CPEB3: variants seen among roughly 807,000 people sequenced by gnomAD.
CPEB3 encodes the protein cytoplasmic polyadenylation element-binding protein 3.
In CPEB3, 20 loss-of-function variants were observed where a neutral mutation model predicts 67.2. The ratio of observed to expected loss-of-function variants is 0.30; its 90% CI spans 0.21 to 0.43. CPEB3 has a LOEUF of 0.43. Among genes scored for constraint, CPEB3 ranks in the 20% least tolerant of loss-of-function variants. CPEB3 has a pLI of 1.00. For synonymous variants in CPEB3, 376 were observed against 393.1 expected (o/e 0.96, Z 0.51); for missense variants, 746 against 968.6 (o/e 0.77, Z 3.05).
chr10:92,120,098 C>CAAA (rs34785763), intron 6 of CPEB3, among the ~76,000 whole-genome samples: 1 of 45,246 alleles, frequency 2.2e-5, no homozygotes, highest in East Asian at 5.7e-4. Flanking sequence ...ACTAAAAATA[C>CAAA]AAAAAAAAAA....
At chr10:92,251,084 A>G (rs1852281819) in intron 1 of CPEB3, among the ~76,000 whole-genome samples, 2 of 151,922 alleles carry the variant, frequency 1.3e-5, no homozygotes, top group African/African-American at 4.8e-5. Context: ...AATACCTACC[A>G]TTGTGTTACA....
intron 9 of CPEB3, among the ~76,000 whole-genome samples, chr10:92,061,525 T>C (rs926490788): frequency 6.6e-6 from 1 of 151,984 alleles, no homozygotes; most frequent in Non-Finnish European, 1.5e-5. Flanking sequence ...ATCCAGCCAT[T>C]TGCAACAACA....
intron 3 of CPEB3, among the ~76,000 whole-genome samples, chr10:92,187,095 AAG>A (rs1339872309): frequency 2.0e-5 from 3 of 152,242 alleles, no homozygotes; most frequent in Admixed American, 6.5e-5. Flanking sequence ...AAAATTCCGT[AAG>A]AGGGGACAAA....
At chr10:92,249,543 G>A (rs2134769851) in intron 1 of CPEB3, among the ~76,000 whole-genome samples, 1 of 152,184 alleles carries the variant, frequency 6.6e-6, no homozygotes, top group East Asian at 1.9e-4. Flanking sequence ...AACTACTCGG[G>A]AGGTTGAGGC....
intron 4 of CPEB3, among the ~76,000 whole-genome samples, chr10:92,164,781 T>C (rs1030236281): frequency 2.0e-5 from 3 of 152,156 alleles, no homozygotes; most frequent in Admixed American, 6.5e-5. Context: ...ACCCAGAAAT[T>C]CTCTTCAGAA....
chr10:92,111,139 G>A lies in CPEB3; in HGVS notation c.1509C>T (p.Ala503=). The A allele has an allele frequency of 1.2e-6, 2 of 1,614,142 alleles. No individual in the cohort carries two copies. Among genetic ancestry groups the A allele is most frequent in the South Asian group, 2.2e-5 (2 of 91,078 alleles). ...EESSVQALID[A]CLEEDGKLYL... ...AGAGTTTCCCATCTTCTTCTAGGCA[G>A]GCATCTATCAAAGCTTGTACTGAGC... is the stretch of plus-strand genomic sequence containing the variant. The change falls in exon 7 of 10, where the codon GCC becomes GCT. Residue 503 remains alanine, a synonymous_variant. Coordinates refer to ENST00000265997, the MANE Select transcript of CPEB3 (RefSeq NM_014912.5).
chr10:92,202,124 C>T (rs558938802), intron 2 of CPEB3, among the ~76,000 whole-genome samples: 3 of 152,210 alleles, frequency 2.0e-5, no homozygotes, highest in South Asian at 4.1e-4. Context: ...CAAATGCTGA[C>T]TAGGATGCAG....
chr10:92,291,150 C>A (rs532908488), upstream of CPEB3: 85 of 412,474 alleles, frequency 2.1e-4, no homozygotes, highest in Non-Finnish European at 3.6e-4. Context: ...CTGGCGCGCA[C>A]GGAGGCGGCG....
At chr10:92,214,802 AT>A (rs893803914) in intron 2 of CPEB3, among the ~76,000 whole-genome samples, 57 of 149,788 alleles carry the variant, frequency 3.8e-4, no homozygotes, top group African/African-American at 9.6e-4. Flanking sequence ...TATTTTAACA[AT>A]TTTTTTTTCA....
chr10:92,098,970 CCA>C (rs1211403955), intron 7 of CPEB3, among the ~76,000 whole-genome samples: 1 of 151,734 alleles, frequency 6.6e-6, no homozygotes, highest in Non-Finnish European at 1.5e-5. Flanking sequence ...CAGGGTTTCA[CCA>C]TGTTGGCCAG....
chr10:92,071,965 T>C (rs542431414), intron 9 of CPEB3, among the ~76,000 whole-genome samples: 1 of 152,310 alleles, frequency 6.6e-6, no homozygotes, highest in African/African-American at 2.4e-5. Context: ...ACAGAAAGAA[T>C]GTGTACAGGT....
intron 2 of CPEB3, among the ~76,000 whole-genome samples, chr10:92,209,157 G>A (rs1478044115): frequency 1.3e-5 from 2 of 152,180 alleles, no homozygotes; most frequent in African/African-American, 4.8e-5. Context: ...ACGTTTGACA[G>A]TAATAAAGCT....
rs770734970 is a variant in CPEB3, at chr10:92,192,482, A to G, written c.1160T>C (p.Phe387Ser). ...GACATATGAATATTCCTAACCTGCA[A>G]AATGATTCCTCCACATTATATCAGC... is the stretch of plus-strand genomic sequence containing the variant. ...SFADIMWRNHFAGRMGINFHH... is the reference protein window; with the variant it reads ...SFADIMWRNHSAGRMGINFHH... Residue 387 changes from phenylalanine (F) to serine (S), a missense_variant, in exon 3 of 10, where the codon TTT (phenylalanine) becomes TCT (serine). Around this residue, in one of 2 missense-constraint regions of CPEB3, gnomAD observed 643 missense variants for 717.5 expected, o/e 0.90. Coordinates refer to ENST00000265997, the MANE Select transcript of CPEB3 (RefSeq NM_014912.5). 6.2e-7 allele frequency: 1 copy of G among 1,612,392 alleles called. No homozygotes were observed. The highest frequency in any genetic ancestry group is 1.1e-5 in the South Asian group (1 of 90,360).
intron 2 of CPEB3, among the ~76,000 whole-genome samples, chr10:92,236,671 A>C (rs1971471): frequency 0.68 from 103,043 of 151,920 alleles, 36,710 homozygotes; most frequent in African/African-American, 0.9. Context: ...ATTGCTTGAA[A>C]CCGGGAGGCA....
At chr10:92,257,212 T>A (rs967019560) in intron 1 of CPEB3, among the ~76,000 whole-genome samples, 3 of 152,256 alleles carry the variant, frequency 2.0e-5, no homozygotes, top group Admixed American at 6.5e-5. Context: ...TTTTCCAAAC[T>A]GACTGTTTCC....
At chr10:92,097,964 C>T (rs1843960190) in intron 7 of CPEB3, among the ~76,000 whole-genome samples, 1 of 151,714 alleles carries the variant, frequency 6.6e-6, no homozygotes. Context: ...GAGTTTGAGA[C>T]CAGCCTGACC....
chr10:92,284,983 G>T (rs940738293), intron 1 of CPEB3, among the ~76,000 whole-genome samples: 1 of 152,142 alleles, frequency 6.6e-6, no homozygotes, highest in South Asian at 2.1e-4. Context: ...AAATTTACTT[G>T]GTTCACAGTT....
In CPEB3 at chr10:92,289,552, T is replaced by C. The variant is rs192123484; in HGVS notation, c.-12+1374A>G. On this transcript the variant is annotated intron_variant, in intron 1 of 9. Transcript: ENST00000265997. ...GCAAGACTCCATCTCTCAAAATCAATGAATTAATTAAATAAATGAATTAAT... is the reference window on the plus strand; with the variant it reads ...GCAAGACTCCATCTCTCAAAATCAACGAATTAATTAAATAAATGAATTAAT... 1.1e-4 allele frequency among the ~76,000 whole-genome samples: 16 copies of C among 150,946 alleles called. 1 individual carries two copies. The highest frequency in any genetic ancestry group is 6.6e-5 in the Admixed American group (1 of 15,102).
At chr10:92,201,818 C>T (rs964701590) in intron 2 of CPEB3, among the ~76,000 whole-genome samples, 15 of 152,134 alleles carry the variant, frequency 9.9e-5, no homozygotes, top group Non-Finnish European at 2.9e-5. Flanking sequence ...AACTCTCCTT[C>T]CCCATCCCAG....
Sources: allele counts gnomAD v4.1 joint callset (sites outside exome capture counted in the v4.1 genomes callset), GRCh38; gene constraint gnomAD v4.1.1; regional missense constraint gnomAD v4.1.1; transcripts MANE v1.5; gene names NCBI Gene and HGNC (gene_info 2026-07-23, HGNC 2026-07-21).